The following TAF10 variants were observed in gnomAD, a reference collection of about 807,000 sequenced individuals.
TAF10 encodes transcription initiation factor TFIID subunit 10.
TAF10 carries 2 observed loss-of-function variants against 18.1 expected under a neutral mutation model. The observed-to-expected ratio is 0.11, with a 90% CI of 0.05 to 0.35. The LOEUF is 0.35. Ranked by LOEUF, TAF10 falls within the 10% of genes least tolerant of loss-of-function variation. The pLI is 1.00. For synonymous variants in TAF10, 158 were observed against 134.6 expected (o/e 1.17, Z -1.20); for missense variants, 293 against 306.9 (o/e 0.95, Z 0.34).
rs1350359663 is a variant in TAF10, at chr11:6,609,812, C to T, written c.*1110G>A. 1 of 1,614,192 alleles carries T rather than the reference C, an allele frequency of 6.2e-7. No individual in the cohort carries two copies. Among genetic ancestry groups the T allele is most frequent in the Non-Finnish European group, 8.5e-7 (1 of 1,180,030 alleles). On this transcript the variant is annotated 3_prime_UTR_variant, in exon 5 of 5. Coordinates refer to ENST00000299424, the MANE Select transcript of TAF10 (RefSeq NM_006284.4). ...TCCTACACACACTAGAGCCCCTCATCCCACGACATGCACTCAATAGCCGTA... is the reference window on the plus strand; with the variant it reads ...TCCTACACACACTAGAGCCCCTCATTCCACGACATGCACTCAATAGCCGTA...
In TAF10 at chr11:6,607,087, C is replaced by G. The variant is rs949309064; in HGVS notation, c.*3835G>C. 6.6e-6 allele frequency: 1 copy of G among 152,384 alleles called. No individual in the cohort carries two copies. Among genetic ancestry groups the G allele is most frequent in the Non-Finnish European group, 1.5e-5 (1 of 68,088 alleles). 9.4% of individuals were successfully genotyped at this position (152,384 alleles called of 1,614,324 possible). ...ATCAGCTCCAGGCCTTGCCTAGAGT[C>G]GCACACAGGAAGTGACCACAACACT... On this transcript the variant is annotated 3_prime_UTR_variant, in exon 5 of 5. Transcript: ENST00000299424.
At position 6,610,616 on chromosome 11, in the gene TAF10, G is replaced by A. The variant is rs761269914; in HGVS notation, c.*306C>T. On this transcript the variant is annotated 3_prime_UTR_variant, in exon 5 of 5. Coordinates refer to ENST00000299424, the MANE Select transcript of TAF10 (RefSeq NM_006284.4). ...GAGAAGATGCAGGACAAGTAGGACTGGAAGGTCCTTGCCTGAACTCCAGAG... is the reference window on the plus strand; with the variant it reads ...GAGAAGATGCAGGACAAGTAGGACTAGAAGGTCCTTGCCTGAACTCCAGAG... 1.9e-6 allele frequency: 3 copies of A among 1,614,186 alleles called. No homozygotes were observed. The highest frequency in any genetic ancestry group is 2.5e-6 in the Non-Finnish European group (3 of 1,180,002).
Position 6,612,038 on chromosome 11 carries a change from C to A in TAF10, c.152G>T (p.Gly51Val). The change falls in exon 1 of 5, where the codon GGA becomes GTA. Residue 51 changes from glycine (G) to valine (V), a missense_variant. Coordinates refer to ENST00000299424, the MANE Select transcript of TAF10 (RefSeq NM_006284.4). ...NKASPAGTAG[G>V]PGAGAAAGGT... is the part of the protein sequence containing the mutation. ...CCCAGCAGCTGCTCCAGCCCCAGGT[C>A]CCCCCGCTGTCCCCGCGGGGCTGGC... 6.7e-7 allele frequency: 1 copy of A among 1,487,986 alleles called. No individual in the cohort carries two copies. The highest frequency in any genetic ancestry group is 1.4e-5 in the African/African-American group (1 of 69,590). The allele number at this position is 1,487,986 out of a possible 1,614,324, so 92.2% of individuals were successfully genotyped here.
chr11:6,611,163 C>A (rs745801901), intron 4 of TAF10, 26 bp downstream of exon 4: 2 of 1,608,856 alleles, frequency 1.2e-6, no homozygotes, highest in Admixed American at 3.3e-5. Flanking sequence ...AAGGTAATTA[C>A]TGATTCATTA....
rs769777649 is a variant in TAF10 at position 6,609,584 on chromosome 11, C to T, written c.*1338G>A. 1.8e-5 allele frequency: 29 copies of T among 1,614,202 alleles called. No individual in the cohort carries two copies. The highest frequency in any genetic ancestry group is 2.4e-5 in the Non-Finnish European group (28 of 1,180,012). On this transcript the variant is annotated 3_prime_UTR_variant, in exon 5 of 5. Coordinates refer to ENST00000299424, the MANE Select transcript of TAF10 (RefSeq NM_006284.4). Reference sequence around the variant, plus strand: ...CTCCACCTGCTCCTCATCCTACTCTCATCACACACTGGATGCCGTATGGAT... The same window carrying T: ...CTCCACCTGCTCCTCATCCTACTCTTATCACACACTGGATGCCGTATGGAT...
rs1022853693 is a variant in TAF10, at chr11:6,610,898, A to G, written c.*24T>C. ...GGCTGGTGTGGGGACATGGGGACAG[A>G]TAAGTACATTTAGGTTGGGTGGCTC... is the stretch of plus-strand genomic sequence containing the variant. On this transcript the variant is annotated 3_prime_UTR_variant, in exon 5 of 5. Transcript: ENST00000299424. 1.2e-5 allele frequency: 20 copies of G among 1,612,978 alleles called. No homozygotes were observed. The highest frequency in any genetic ancestry group is 1.5e-5 in the Non-Finnish European group (18 of 1,178,914).
At position 6,609,131 on chromosome 11, in the gene TAF10, A is replaced by G. The variant is rs1855237211; in HGVS notation, c.*1791T>C. 4 of 1,614,158 alleles carry G rather than the reference A, an allele frequency of 2.5e-6. No homozygotes were observed. Among genetic ancestry groups the G allele is most frequent in the Non-Finnish European group, 3.4e-6 (4 of 1,179,996 alleles). On this transcript the variant is annotated 3_prime_UTR_variant, in exon 5 of 5. Transcript: ENST00000299424. The stretch of plus-strand genomic sequence containing the variant: ...TTCAAACAGCTTAACTTCCTGACGA[A>G]GCTCAACGAGAATCACTCTGGAGAG...
intron 1 of TAF10, 56 bp downstream of exon 1, chr11:6,611,902 C>G (rs1387817927): frequency 6.4e-7 from 1 of 1,568,148 alleles, no homozygotes; most frequent in Non-Finnish European, 8.6e-7. Context: ...TGCCCTCACC[C>G]GCCGCTGGAC....
In TAF10 at chr11:6,610,557, G is replaced by A. The variant is rs1188999163; in HGVS notation, c.*365C>T. On this transcript the variant is annotated 3_prime_UTR_variant, in exon 5 of 5. Transcript: ENST00000299424. ...TCTGCATGAATGAAGACCCTGCAAA[G>A]CGACCCAAATTTGACATGATTGTGC... 6.2e-7 allele frequency: 1 copy of A among 1,614,226 alleles called. No individual in the cohort carries two copies. Among genetic ancestry groups the A allele is most frequent in the Non-Finnish European group, 8.5e-7 (1 of 1,180,038 alleles).
Position 6,610,595 on chromosome 11 carries a change from A to C in TAF10, c.*327T>G. On this transcript the variant is annotated 3_prime_UTR_variant, in exon 5 of 5. Coordinates refer to ENST00000299424, the MANE Select transcript of TAF10 (RefSeq NM_006284.4). ...GACATGATTGTGCCTATCCTTGAGA[A>C]GATGCAGGACAAGTAGGACTGGAAG... The C allele has an allele frequency of 6.2e-7, 1 of 1,614,240 alleles. No homozygotes were observed. The highest frequency in any genetic ancestry group is 8.5e-7 in the Non-Finnish European group (1 of 1,180,038).
rs968493587 is a variant in TAF10, at chr11:6,611,307, G to C, written c.453-4C>G. 1.2e-6 allele frequency: 2 copies of C among 1,614,060 alleles called. No homozygotes were observed. The highest frequency in any genetic ancestry group is 1.7e-5 in the Admixed American group (1 of 60,022). On this transcript the variant is annotated splice_polypyrimidine_tract_variant and splice_region_variant and intron_variant, in intron 3 of 4. Coordinates refer to ENST00000299424, the MANE Select transcript of TAF10 (RefSeq NM_006284.4). The stretch of plus-strand genomic sequence containing the variant: ...AGCTAAGGAGATGAGCCGAATTCTA[G>C]AGAGAAAAAACTTAGATGAGAAGGA...
chr11:6,608,284 A>T lies in TAF10; in HGVS notation c.*2638T>A. 1.3e-6 allele frequency: 2 copies of T among 1,581,716 alleles called. No individual in the cohort carries two copies. The highest frequency in any genetic ancestry group is 1.7e-6 in the Non-Finnish European group (2 of 1,150,512). On this transcript the variant is annotated 3_prime_UTR_variant, in exon 5 of 5. Coordinates refer to ENST00000299424, the MANE Select transcript of TAF10 (RefSeq NM_006284.4). The surrounding 1 kb of genome is among the most constrained non-coding windows in gnomAD (Gnocchi z 4.9). ...GTCAGTCACAGGCACTGTAACATAC[A>T]GTAGAAAGCATGTGTGCTCTTCCCC...
At position 6,611,682 on chromosome 11, in the gene TAF10, C is replaced by G; in HGVS notation, c.369G>C (p.Leu123=). 6.3e-7 allele frequency: 1 copy of G among 1,597,490 alleles called. No homozygotes were observed. The highest frequency in any genetic ancestry group is 8.5e-7 in the Non-Finnish European group (1 of 1,171,636). ...STPLVDFLMQ[L]EDYTPTIPDA... The stretch of plus-strand genomic sequence containing the variant: ...AGCCCACCGTAGGCGTGTAATCTTC[C>G]AGCTGCATCAAGAAGTCCACCAAAG... The change falls in exon 2 of 5, where the codon CTG becomes CTC. Residue 123 remains leucine, a synonymous_variant. Coordinates refer to ENST00000299424, the MANE Select transcript of TAF10 (RefSeq NM_006284.4).
rs1855172518 is a variant in TAF10 at position 6,608,568 on chromosome 11, C to T, written c.*2354G>A. On this transcript the variant is annotated 3_prime_UTR_variant, in exon 5 of 5. Coordinates refer to ENST00000299424, the MANE Select transcript of TAF10 (RefSeq NM_006284.4). This position sits in a 1 kb window ranked among gnomAD's most constrained non-coding sequence, Gnocchi z 4.9. ...TGGTGGGAGATTTTGGAACCCTCAA[C>T]CCATTCTGTCAGTACTACTGTGTGA... 7.3e-7 allele frequency: 1 copy of T among 1,377,334 alleles called. No individual in the cohort carries two copies. The highest frequency in any genetic ancestry group is 1.7e-5 in the Admixed American group (1 of 59,736). The allele number at this position is 1,377,334 out of a possible 1,614,324, so 85.3% of individuals were successfully genotyped here.
At chr11:6,611,343 A>G (rs1178940733) in intron 3 of TAF10, 40 bp from the exon 4 acceptor site, 13 of 1,613,986 alleles carry the variant, frequency 8.1e-6, no homozygotes, top group Non-Finnish European at 1.1e-5. Flanking sequence ...GATGGACAAC[A>G]TACTGCACAA....
In TAF10 at chr11:6,608,825, G is replaced by A. The variant is rs758274258; in HGVS notation, c.*2097C>T. On this transcript the variant is annotated 3_prime_UTR_variant, in exon 5 of 5. Coordinates refer to ENST00000299424, the MANE Select transcript of TAF10 (RefSeq NM_006284.4). This position sits in a 1 kb window ranked among gnomAD's most constrained non-coding sequence, Gnocchi z 4.9. The stretch of plus-strand genomic sequence containing the variant: ...CCCATCCCCTAGCTTGTGTCCTCTC[G>A]TCCCTTCCCACCTGTCTTCTCCCTC... 8.7e-6 allele frequency: 14 copies of A among 1,612,290 alleles called. No homozygotes were observed. Among genetic ancestry groups the A allele is most frequent in the Middle Eastern group, 1.6e-4 (1 of 6,078 alleles).
In TAF10 at chr11:6,606,800, GC is replaced by G. The variant is rs954360337; in HGVS notation, c.*4121del. 3 of 152,114 alleles carry G rather than the reference GC, an allele frequency of 2.0e-5. No individual in the cohort carries two copies. The highest frequency in any genetic ancestry group is 1.3e-4 in the Admixed American group (2 of 15,264). The allele number at this position is 152,114 out of a possible 1,614,324, so 9.4% of individuals were successfully genotyped here. A position where few individuals can be genotyped will look rare whatever the true frequency, so the allele number is the denominator to read the frequency against. On this transcript the variant is annotated 3_prime_UTR_variant, in exon 5 of 5. Coordinates refer to ENST00000299424, the MANE Select transcript of TAF10 (RefSeq NM_006284.4). ...ACAGAACCCTTGTGCCCATACTTTT[GC>G]CCCCCGAGTTTGGCCTGCCCTGGCG... is the stretch of plus-strand genomic sequence containing the variant.
chr11:6,608,725 T>C lies in TAF10; in HGVS notation c.*2197A>G. On this transcript the variant is annotated 3_prime_UTR_variant, in exon 5 of 5. Transcript: ENST00000299424. The surrounding 1 kb of genome is among the most constrained non-coding windows in gnomAD (Gnocchi z 4.9). Reference sequence around the variant, plus strand: ...GTGGCAAATGGGGCCCTTGTCAGCATCTGTAACAAGTATGGAGAGATGCCT... The same window carrying C: ...GTGGCAAATGGGGCCCTTGTCAGCACCTGTAACAAGTATGGAGAGATGCCT... 6.2e-7 allele frequency: 1 copy of C among 1,614,080 alleles called. No individual in the cohort carries two copies. Among genetic ancestry groups the C allele is most frequent in the Admixed American group, 1.7e-5 (1 of 60,022 alleles).
chr11:6,608,528 G>A lies in TAF10; in HGVS notation c.*2394C>T, dbSNP rs80013891. On this transcript the variant is annotated 3_prime_UTR_variant, in exon 5 of 5. Transcript: ENST00000299424. The surrounding 1 kb of genome is among the most constrained non-coding windows in gnomAD (Gnocchi z 4.9). ...CCTTAATTCCTGAGATGGGTAGGAA[G>A]TAAAGTCTGAGCCTTGGTGGGAGAT... The A allele has an allele frequency of 1.4e-3, 2,094 of 1,546,536 alleles. 23 individuals are homozygous for A. In the African/African-American group the frequency reaches 0.024, roughly 18 times the overall value.
Sources: allele counts gnomAD v4.1 joint callset, GRCh38; gene constraint gnomAD v4.1.1; non-coding constraint Gnocchi (gnomAD v3.1); transcripts MANE v1.5; gene names NCBI Gene and HGNC (gene_info 2026-07-23, HGNC 2026-07-21).